Variants in NGF observed in about 807,000 individuals in gnomAD.
The protein encoded by NGF is nerve growth factor, also known as beta-nerve growth factor.
Under a neutral mutation model 12.8 loss-of-function variants are expected in NGF, and 4 were observed. That is an observed-to-expected ratio of 0.31 (90% CI 0.15 to 0.72). The LOEUF (loss-of-function observed/expected upper bound fraction) is 0.72. NGF is among the 30% of genes least tolerant of loss of function. NGF has a pLI of 0.69. For synonymous variants in NGF, 140 were observed against 130.0 expected (o/e 1.08, Z -0.52); for missense variants, 283 against 330.8 (o/e 0.86, Z 1.12).
chr1:115,286,087 C>T lies in NGF; in HGVS notation c.709G>A (p.Ala237Thr), dbSNP rs763390069. The part of the protein sequence containing the change: ...TACVCVLSRK[A>T]VRRA ...TCGGCAGGTCAGGCTCTTCTCACAG[C>T]CTTCCTGCTGAGCACACACACACAG... Residue 237 changes from alanine to threonine, a missense_variant, in exon 3 of 3, where the codon GCT becomes ACT. Around this residue, in one of 2 missense-constraint regions of NGF, gnomAD observed 132 missense variants for 189.2 expected, o/e 0.70. Coordinates refer to ENST00000369512, the MANE Select transcript of NGF (RefSeq NM_002506.3). 3.7e-6 allele frequency: 6 copies of T among 1,613,134 alleles called. No homozygotes were observed. The highest frequency in any genetic ancestry group is 1.1e-5 in the South Asian group (1 of 90,978).
At chr1:115,291,593 C>T (rs1653698601) in intron 2 of NGF, among the ~76,000 whole-genome samples, 2 of 152,316 alleles carry the variant, frequency 1.3e-5, no homozygotes, top group South Asian at 4.1e-4. Flanking sequence ...GTGGGGCAGC[C>T]CATTGGGATG....
intron 1 of NGF, among the ~76,000 whole-genome samples, chr1:115,313,679 C>A (rs1654396788): frequency 6.6e-6 from 1 of 152,208 alleles, no homozygotes; most frequent in East Asian, 1.9e-4. Context: ...TAGTAAAAGG[C>A]AAAGCAGTTT....
chr1:115,308,346 A>T (rs1261149610), intron 1 of NGF, among the ~76,000 whole-genome samples: 1 of 152,214 alleles, frequency 6.6e-6, no homozygotes, highest in Non-Finnish European at 1.5e-5. Context: ...CCAGAGTGGC[A>T]GGTGTTAAAG....
intron 1 of NGF, among the ~76,000 whole-genome samples, chr1:115,317,407 A>C (rs978682933): frequency 3.9e-5 from 6 of 152,204 alleles, no homozygotes; most frequent in Admixed American, 3.9e-4. Context: ...TCCAATTCCT[A>C]TGGAGGTCAG....
chr1:115,309,490 T>C (rs1654286799), intron 1 of NGF, among the ~76,000 whole-genome samples: 1 of 152,230 alleles, frequency 6.6e-6, no homozygotes, highest in Non-Finnish European at 1.5e-5. Context: ...TTTTGTTACA[T>C]AGGTATACAC....
At chr1:115,319,772 T>G (rs2101047093) in intron 1 of NGF, among the ~76,000 whole-genome samples, 1 of 152,314 alleles carries the variant, frequency 6.6e-6, no homozygotes, top group East Asian at 1.9e-4. Flanking sequence ...GTGCCCCCAG[T>G]GGCCTGAGTT....
At chr1:115,338,025 C>A (rs1034434493) in intron 1 of NGF, among the ~76,000 whole-genome samples, 179 bp downstream of exon 1, 1 of 152,194 alleles carries the variant, frequency 6.6e-6, no homozygotes, top group Non-Finnish European at 1.5e-5. Context: ...GAGGGTCCCG[C>A]GCCCCCACAC....
chr1:115,313,578 T>G (rs920780336), intron 1 of NGF, among the ~76,000 whole-genome samples: 5 of 152,234 alleles, frequency 3.3e-5, no homozygotes, highest in African/African-American at 4.8e-5. Flanking sequence ...TAAAAGCTTT[T>G]TCTTTTTTAG....
chr1:115,304,634 G>A (rs1251347585), intron 1 of NGF, among the ~76,000 whole-genome samples: 3 of 152,060 alleles, frequency 2.0e-5, no homozygotes, highest in Non-Finnish European at 4.4e-5. Flanking sequence ...TGGACTTTGT[G>A]CTTAGGCCTC....
At chr1:115,293,969 C>T (rs1259319827) in intron 1 of NGF, among the ~76,000 whole-genome samples, 1 of 152,226 alleles carries the variant, frequency 6.6e-6, no homozygotes, top group Non-Finnish European at 1.5e-5. Flanking sequence ...ACTCTTGCGC[C>T]ATACCTTTTG....
At chr1:115,298,405 G>A (rs779484315) in intron 1 of NGF, among the ~76,000 whole-genome samples, 42 of 152,096 alleles carry the variant, frequency 2.8e-4, no homozygotes, top group South Asian at 1.0e-3. Flanking sequence ...GACAGACTCC[G>A]AGTAAGGACT....
intron 1 of NGF, among the ~76,000 whole-genome samples, chr1:115,317,898 A>T (rs1326327666): frequency 6.6e-6 from 1 of 152,242 alleles, no homozygotes; most frequent in African/African-American, 2.4e-5. Flanking sequence ...AATGTTAATA[A>T]GGAAAACATT....
At chr1:115,333,276 T>G (rs1654974488) in intron 1 of NGF, among the ~76,000 whole-genome samples, 1 of 152,186 alleles carries the variant, frequency 6.6e-6, no homozygotes, top group South Asian at 2.1e-4. Context: ...AAACTGTTCC[T>G]GTAGTAGTGG....
chr1:115,305,483 TG>T (rs1654176942), intron 1 of NGF, among the ~76,000 whole-genome samples: 1 of 152,222 alleles, frequency 6.6e-6, no homozygotes, highest in Non-Finnish European at 1.5e-5. Flanking sequence ...TTCTGAGTGT[TG>T]ATTTCCGCTT....
intron 1 of NGF, among the ~76,000 whole-genome samples, chr1:115,325,707 A>G (rs1654755751): frequency 6.6e-6 from 1 of 152,186 alleles, no homozygotes; most frequent in African/African-American, 2.4e-5. Context: ...AGATGCAGGA[A>G]GAGGTCTAGA....
intron 2 of NGF, among the ~76,000 whole-genome samples, chr1:115,293,047 T>A (rs1185810832): frequency 1.3e-5 from 2 of 152,140 alleles, no homozygotes; most frequent in Non-Finnish European, 2.9e-5. Flanking sequence ...TAATAGTAAT[T>A]ATTATTTATT....
chr1:115,327,525 A>G (rs985008101), intron 1 of NGF, among the ~76,000 whole-genome samples: 3 of 152,266 alleles, frequency 2.0e-5, no homozygotes, highest in African/African-American at 7.2e-5. Context: ...GTGAAAACAC[A>G]AACACAACAC....
chr1:115,304,329 A>ATTTTTTTTTTT lies in NGF; in HGVS notation c.-136-10590_-136-10580dup, dbSNP rs58345237. Among the ~76,000 whole-genome samples, 157 of 80,776 alleles carry ATTTTTTTTTTT rather than the reference A, an allele frequency of 1.9e-3. 7 individuals carry two copies. Among genetic ancestry groups the ATTTTTTTTTTT allele is most frequent in the African/African-American group, 3.7e-3 (89 of 24,064 alleles). 53.0% of individuals were successfully genotyped at this position (80,776 alleles called of 152,430 possible). A position where few individuals can be genotyped will look rare whatever the true frequency, so the allele number is the denominator to read the frequency against. On this transcript the variant is annotated intron_variant, in intron 1 of 2. Transcript: ENST00000369512. ...AGGAGCGCACCACCATGCTTGGCTA[A>ATTTTTTTTTTT]TTTTTTTTTTTTTTTTGTATTTTTA... is the stretch of plus-strand genomic sequence containing the variant.
chr1:115,337,256 G>GTTTTTTTTTTTTTTTT (rs1364127314), intron 1 of NGF, among the ~76,000 whole-genome samples: 2 of 27,200 alleles, frequency 7.4e-5, no homozygotes, highest in African/African-American at 3.3e-4. Context: ...AATTTTTTTT[G>GTTTTTTTTTTTTTTTT]TTTTGTTTTT....
Sources: gnomAD v4.1 joint callset for allele counts (sites outside exome capture counted in the v4.1 genomes callset) on GRCh38, gnomAD v4.1.1 for gene constraint, gnomAD v4.1.1 regional missense constraint, MANE v1.5 for transcripts, NCBI Gene and HGNC (gene_info 2026-07-23, HGNC 2026-07-21) for gene names.